Variants in NSL1 observed in about 807,000 individuals in gnomAD.
The protein encoded by NSL1 is NSL1 component of MIS12 kinetochore complex.
Under a neutral mutation model 25.4 loss-of-function variants are expected in NSL1, and 11 were observed. That is an observed-to-expected ratio of 0.43 (90% CI 0.27 to 0.72). The LOEUF (loss-of-function observed/expected upper bound fraction) is 0.72. NSL1 is among the 30% of genes least tolerant of loss of function. NSL1 has a pLI of 0.19. For missense variants in NSL1, 330 were observed against 342.7 expected, an observed-to-expected ratio of 0.96 and a Z score of 0.29; for synonymous variants, 118 against 120.6, an observed-to-expected ratio of 0.98 and a Z score of 0.14.
At chr1:212,748,042 A>C (rs1282050803) in intron 4 of NSL1, among the ~76,000 whole-genome samples, 1 of 152,238 alleles carries the variant, frequency 6.6e-6, no homozygotes, top group Non-Finnish European at 1.5e-5. Flanking sequence ...CTGGGATTAC[A>C]GGTATGAGCC....
At position 212,730,076 on chromosome 1, in the gene NSL1, C is replaced by T; in HGVS notation, c.*8332G>A. On this transcript the variant is annotated 3_prime_UTR_variant, in exon 6 of 6. Transcript: ENST00000366977. ...GACCAGCCTGACCAACATGGCAAAA[C>T]CTCATCTCTATAAAAATGCAAATAT... 1 of 838,616 alleles carries T rather than the reference C, an allele frequency of 1.2e-6. No homozygotes were observed. The highest frequency in any genetic ancestry group is 1.4e-6 in the Non-Finnish European group (1 of 696,722). The allele number at this position is 838,616 out of a possible 1,614,324, so 51.9% of individuals were successfully genotyped here.
At chr1:212,774,875 T>C (rs1660283915) in intron 4 of NSL1, among the ~76,000 whole-genome samples, 1 of 152,222 alleles carries the variant, frequency 6.6e-6, no homozygotes, top group Admixed American at 6.5e-5. Flanking sequence ...AACTTGTACA[T>C]GAATGTTCAC....
At chr1:212,747,246 A>G (rs778748315) in intron 4 of NSL1, among the ~76,000 whole-genome samples, 89 of 152,318 alleles carry the variant, frequency 5.8e-4, no homozygotes, top group Non-Finnish European at 1.1e-3. Context: ...AGTAACTAAC[A>G]GCTCAAGTAA....
In NSL1 at chr1:212,728,045, T is replaced by C; in HGVS notation, c.*10363A>G. On this transcript the variant is annotated 3_prime_UTR_variant, in exon 6 of 6. Transcript: ENST00000366977. Reference sequence around the variant, plus strand: ...GCCTCGCTCTGCTCTACATGGTCTATAGACCGCTGGGAAGGTGGCCAGGCA... The same window carrying C: ...GCCTCGCTCTGCTCTACATGGTCTACAGACCGCTGGGAAGGTGGCCAGGCA... 4 of 985,452 alleles carry C rather than the reference T, an allele frequency of 4.1e-6. No individual in the cohort carries two copies. Among genetic ancestry groups the C allele is most frequent in the Non-Finnish European group, 4.8e-6 (4 of 829,936 alleles). 61.0% of individuals were successfully genotyped at this position (985,452 alleles called of 1,614,324 possible).
chr1:212,727,768 A>C lies in NSL1; in HGVS notation c.*10640T>G. 1 of 984,400 alleles carries C rather than the reference A, an allele frequency of 1.0e-6. No individual in the cohort carries two copies. The allele number at this position is 984,400 out of a possible 1,614,324, so 61.0% of individuals were successfully genotyped here. Reference sequence around the variant, plus strand: ...AAAGTTCATATTTAACCTCATTAAGATAATAAATTGCTTTAAACAACTTTG... The same window carrying C: ...AAAGTTCATATTTAACCTCATTAAGCTAATAAATTGCTTTAAACAACTTTG... On this transcript the variant is annotated 3_prime_UTR_variant, in exon 6 of 6. Transcript: ENST00000366977.
At chr1:212,752,304 C>A (rs1659102291) in intron 4 of NSL1, among the ~76,000 whole-genome samples, 1 of 152,066 alleles carries the variant, frequency 6.6e-6, no homozygotes, top group Non-Finnish European at 1.5e-5. Context: ...AATTCCAAAA[C>A]TCAGACTTAC....
At chr1:212,770,590 C>T (rs1660056545) in intron 4 of NSL1, among the ~76,000 whole-genome samples, 1 of 152,124 alleles carries the variant, frequency 6.6e-6, no homozygotes, top group South Asian at 2.1e-4. Flanking sequence ...GACCAGATGG[C>T]TTTCCTGCTA....
chr1:212,774,294 T>C (rs1293460035), intron 4 of NSL1, among the ~76,000 whole-genome samples: 1 of 152,172 alleles, frequency 6.6e-6, no homozygotes, highest in Non-Finnish European at 1.5e-5. Context: ...GTAATGGATA[T>C]CTTAAATACC....
intron 4 of NSL1, among the ~76,000 whole-genome samples, chr1:212,749,339 GTTTTTTTTTT>G (rs10717383): frequency 9.1e-5 from 7 of 76,954 alleles, no homozygotes; most frequent in Non-Finnish European, 1.2e-4. Context: ...GTTTTATTGT[GTTTTTTTTTT>G]TTTTTTTTTT....
chr1:212,752,672 T>C (rs190020545), intron 4 of NSL1, among the ~76,000 whole-genome samples: 6 of 152,304 alleles, frequency 3.9e-5, no homozygotes, highest in Admixed American at 2.6e-4. Context: ...TAGATTGCTA[T>C]AAGGATATTT....
At chr1:212,754,606 G>A (rs1266297978) in intron 4 of NSL1, among the ~76,000 whole-genome samples, 4 of 151,740 alleles carry the variant, frequency 2.6e-5, no homozygotes, top group Non-Finnish European at 5.9e-5. Flanking sequence ...GTGAAACCCC[G>A]CCTCTACTAA....
intron 4 of NSL1, among the ~76,000 whole-genome samples, chr1:212,747,731 T>C (rs1295659920): frequency 6.6e-6 from 1 of 152,226 alleles, no homozygotes; most frequent in Non-Finnish European, 1.5e-5. Flanking sequence ...TTTAGGCTTA[T>C]CTTAGGTAGA....
intron 4 of NSL1, among the ~76,000 whole-genome samples, chr1:212,780,533 TCA>T (rs1660687472): frequency 1.4e-5 from 2 of 145,876 alleles, no homozygotes; most frequent in South Asian, 4.3e-4. Flanking sequence ...AAAAAAAGTG[TCA>T]GTTTTCAAAG....
At position 212,737,419 on chromosome 1, in the gene NSL1, A is replaced by C. The variant is rs1273126901; in HGVS notation, c.*989T>G. 1 of 985,156 alleles carries C rather than the reference A, an allele frequency of 1.0e-6. No homozygotes were observed. Among genetic ancestry groups the C allele is most frequent in the Non-Finnish European group, 1.2e-6 (1 of 829,764 alleles). 61.0% of individuals were successfully genotyped at this position (985,156 alleles called of 1,614,324 possible). ...AATGAATGAAGGTATCAGAGTCATCAAAAGGGGAAACAGTTGGTAAGTTTG... is the reference window on the plus strand; with the variant it reads ...AATGAATGAAGGTATCAGAGTCATCCAAAGGGGAAACAGTTGGTAAGTTTG... On this transcript the variant is annotated 3_prime_UTR_variant, in exon 6 of 6. Transcript: ENST00000366977.
rs11342201 is a variant in NSL1, at chr1:212,732,028, A to ATTT, written c.*6377_*6379dup. 2.3e-4 allele frequency: 211 copies of ATTT among 930,172 alleles called. No homozygotes were observed. The highest frequency in any genetic ancestry group is 1.9e-3 in the African/African-American group (100 of 53,236). 57.6% of individuals were successfully genotyped at this position (930,172 alleles called of 1,614,324 possible). Reference sequence around the variant, plus strand: ...TTAGCCTCCCAGTGTAACTGTCCCAATTTTTTTTTTTTTTTTTTACTGAAT... The same window carrying ATTT: ...TTAGCCTCCCAGTGTAACTGTCCCAATTTTTTTTTTTTTTTTTTTTTACTGAAT... On this transcript the variant is annotated 3_prime_UTR_variant, in exon 6 of 6. Transcript: ENST00000366977.
At chr1:212,741,673 C>T (rs1418833107) in intron 4 of NSL1, among the ~76,000 whole-genome samples, 1 of 152,228 alleles carries the variant, frequency 6.6e-6, no homozygotes, top group African/African-American at 2.4e-5. Flanking sequence ...GCCTGCAGAA[C>T]TGTGAGCCAA....
chr1:212,775,382 G>A (rs1014222191), intron 4 of NSL1, among the ~76,000 whole-genome samples: 3 of 152,184 alleles, frequency 2.0e-5, no homozygotes, highest in Non-Finnish European at 4.4e-5. Flanking sequence ...CACCTTAAGT[G>A]GGTGAACTGT....
At chr1:212,741,304 G>A (rs1344788675) in intron 4 of NSL1, among the ~76,000 whole-genome samples, 1 of 152,190 alleles carries the variant, frequency 6.6e-6, no homozygotes, top group Non-Finnish European at 1.5e-5. Flanking sequence ...ACCTGTGTAG[G>A]AGCTATCTGT....
chr1:212,753,915 C>T (rs1279890764), intron 4 of NSL1, among the ~76,000 whole-genome samples: 2 of 152,090 alleles, frequency 1.3e-5, no homozygotes, highest in African/African-American at 4.8e-5. Flanking sequence ...GAGGAGGTAA[C>T]ATTTAAATGA....
Sources: allele counts gnomAD v4.1 joint callset (sites outside exome capture counted in the v4.1 genomes callset), GRCh38; gene constraint gnomAD v4.1.1; transcripts MANE v1.5; gene names NCBI Gene and HGNC (gene_info 2026-07-23, HGNC 2026-07-21).